The following MICU3 variants were observed in gnomAD, a reference collection of about 807,000 sequenced individuals.
MICU3 encodes mitochondrial calcium uptake 3.
A neutral mutation model predicts 66.5 loss-of-function variants in MICU3; 62 were observed. That is an observed-to-expected ratio of 0.93 (90% CI 0.76 to 1.15). The LOEUF (loss-of-function observed/expected upper bound fraction) is 1.15, where lower values mean the gene tolerates loss of function less well. Among genes scored for constraint, MICU3 ranks in the 50% most tolerant of loss-of-function variants. MICU3 has a pLI of 0.00. For synonymous variants in MICU3, 308 were observed against 240.7 expected, an observed-to-expected ratio of 1.28 and a Z score of -2.59; for missense variants, 779 against 664.4, an observed-to-expected ratio of 1.17 and a Z score of -1.90.
At chr8:17,104,352 T>C in intron 9 of MICU3, 39 bp from the exon 10 acceptor site, 1 of 1,083,858 alleles carries the variant, frequency 9.2e-7, no homozygotes, top group Non-Finnish European at 1.3e-6. Flanking sequence ...TCTGTTTCTT[T>C]TATTGAAGCT....
At position 17,087,527 on chromosome 8, in the gene MICU3, C is replaced by T. The variant is rs536315867; in HGVS notation, c.849+492C>T. ...TTTTTCTGAAGTTAGAGTTAAGCAA[C>T]ATTACCCTCCATCTTCCTAACCAGT... On this transcript the variant is annotated intron_variant, in intron 7 of 14. Transcript: ENST00000318063. Among the ~76,000 whole-genome samples the T allele has an allele frequency of 2.6e-5, 4 of 152,128 alleles. No individual in the cohort carries two copies. The South Asian group carries it at 8.3e-4, about 32-fold the overall frequency.
intron 1 of MICU3, among the ~76,000 whole-genome samples, chr8:17,042,820 A>G (rs7006644): frequency 1.4e-4 from 21 of 151,760 alleles, no homozygotes; most frequent in African/African-American, 5.1e-4. Flanking sequence ...GATAAGGATG[A>G]TATCTATCCA....
At position 17,070,157 on chromosome 8, in the gene MICU3, C is replaced by G. The variant is rs890453552; in HGVS notation, c.567+438C>G. On this transcript the variant is annotated intron_variant, in intron 3 of 14. Transcript: ENST00000318063. ...TATCTAGCATATACCAGTGTATATA[C>G]CTAGGGAAATTCTTGCTTATATGCA... 4.7e-4 allele frequency among the ~76,000 whole-genome samples: 72 copies of G among 151,940 alleles called. 1 individual carries two copies. Among genetic ancestry groups the G allele is most frequent in the African/African-American group, 1.7e-3 (72 of 41,472 alleles).
At chr8:17,127,606 C>G (rs1353198731), downstream of MICU3, among the ~76,000 whole-genome samples, 1 of 152,144 alleles carries the variant, frequency 6.6e-6, no homozygotes, top group Non-Finnish European at 1.5e-5. Flanking sequence ...AAAGGAAATA[C>G]TAAATAGATT....
intron 1 of MICU3, among the ~76,000 whole-genome samples, chr8:17,043,848 A>C (rs2150537532): frequency 6.6e-6 from 1 of 152,356 alleles, no homozygotes; most frequent in South Asian, 2.1e-4. Flanking sequence ...TTGGAGAGAA[A>C]GGTAAAATAT....
Position 17,027,414 on chromosome 8 carries a change from C to A in MICU3, c.135C>A (p.Ser45=). The A allele has an allele frequency of 7.1e-7, 1 of 1,402,998 alleles. No individual in the cohort carries two copies. 86.9% of individuals were successfully genotyped at this position (1,402,998 alleles called of 1,614,324 possible). Reference sequence around the variant, plus strand: ...GCCTTCCTGGCCGGCCCTTCTCCTCCCGAGAGGATGAGGAGAGGGCTGTGG... The same window carrying A: ...GCCTTCCTGGCCGGCCCTTCTCCTCACGAGAGGATGAGGAGAGGGCTGTGG... The part of the protein sequence containing the change: ...TLGLPGRPFS[S]REDEERAVAE... Residue 45 remains serine (S), a synonymous_variant, in exon 1 of 15, where the codon TCC becomes TCA. Coordinates refer to ENST00000318063, the MANE Select transcript of MICU3 (RefSeq NM_181723.3).
chr8:17,086,867 G>A, intron 6 of MICU3, 97 bp from the exon 7 acceptor site: 1 of 741,052 alleles, frequency 1.3e-6, no homozygotes, highest in South Asian at 1.6e-5. Context: ...GGATGAAGCT[G>A]TTTTCTTTGT....
intron 9 of MICU3, chr8:17,102,397 T>G (rs1801342594): frequency 6.6e-6 from 1 of 151,988 alleles, no homozygotes; most frequent in South Asian, 2.1e-4. Context: ...TTCCCAAAAG[T>G]TATTTGCATC....
intron 1 of MICU3, among the ~76,000 whole-genome samples, chr8:17,048,538 A>G (rs746411614): frequency 6.6e-6 from 1 of 152,172 alleles, no homozygotes; most frequent in Non-Finnish European, 1.5e-5. Flanking sequence ...GGTCCCTCTC[A>G]TGACACATGG....
rs537726691 is a variant in MICU3 at position 17,058,844 on chromosome 8, T to G, written c.382-5240T>G. On this transcript the variant is annotated intron_variant, in intron 1 of 14. Coordinates refer to ENST00000318063, the MANE Select transcript of MICU3 (RefSeq NM_181723.3). ...TTATGCCATTAGATCATTCTCTAAG[T>G]AAACTGTCTGTTGATAAACTCCAGA... Among the ~76,000 whole-genome samples the G allele has an allele frequency of 1.5e-4, 23 of 152,340 alleles. 1 individual carries two copies. Among genetic ancestry groups the G allele is most frequent in the African/African-American group, 5.5e-4 (23 of 41,580 alleles).
chr8:17,064,727 A>T (rs1425248451), intron 2 of MICU3, among the ~76,000 whole-genome samples: 5 of 152,186 alleles, frequency 3.3e-5, no homozygotes, highest in African/African-American at 4.8e-5. Context: ...ATCTAACTTA[A>T]CAGAAGACAG....
chr8:17,054,090 CA>C (rs1170409844), intron 1 of MICU3, among the ~76,000 whole-genome samples: 1 of 152,174 alleles, frequency 6.6e-6, no homozygotes, highest in Non-Finnish European at 1.5e-5. Context: ...TCCGTTTCAG[CA>C]AAATTTGCCA....
At chr8:17,070,985 A>G (rs1819502917) in intron 3 of MICU3, among the ~76,000 whole-genome samples, 1 of 152,212 alleles carries the variant, frequency 6.6e-6, no homozygotes, top group Non-Finnish European at 1.5e-5. Context: ...AGAGTTGGAC[A>G]GTGTGAGATT....
Position 17,037,057 on chromosome 8 carries a change from C to T in MICU3, c.381+9397C>T, listed in dbSNP as rs199579113. 5.7e-4 allele frequency among the ~76,000 whole-genome samples: 87 copies of T among 152,346 alleles called. 2 individuals are homozygous for T. In the East Asian group the frequency reaches 0.011, roughly 20 times the overall value. Reference sequence around the variant, plus strand: ...AGTACACCTTCCGCAGCCACTGGCCCGGGTGCTAAGTCCCTCACTGCCCGG... The same window carrying T: ...AGTACACCTTCCGCAGCCACTGGCCTGGGTGCTAAGTCCCTCACTGCCCGG... On this transcript the variant is annotated intron_variant, in intron 1 of 14. Transcript: ENST00000318063.
At chr8:17,079,162 CCAGGGGATAGAATCTATGCTGCA>C (rs1313780913) in intron 4 of MICU3, among the ~76,000 whole-genome samples, 1 of 151,938 alleles carries the variant, frequency 6.6e-6, no homozygotes, top group Non-Finnish European at 1.5e-5. Flanking sequence ...ATTTTTTTCC[CCAGGGGATAGAATCTATGCTGCA>C]CCACTATGAC....
rs1183224675 is a variant in MICU3, at chr8:17,027,457, C to A, written c.178C>A (p.Arg60=). The A allele has an allele frequency of 7.7e-7, 1 of 1,293,844 alleles. No individual in the cohort carries two copies. Among genetic ancestry groups the A allele is most frequent in the East Asian group, 3.1e-5 (1 of 32,186 alleles). 80.1% of individuals were successfully genotyped at this position (1,293,844 alleles called of 1,614,324 possible). The change falls in exon 1 of 15, where the codon CGG becomes AGG. Residue 60 remains arginine, a synonymous_variant. Transcript: ENST00000318063. The stretch of plus-strand genomic sequence containing the variant: ...GGCTGTGGCGGAGGCGGCATGGAGG[C>A]GGCGGCGGCGCTGGGGGGAGCTGAG... The part of the protein sequence containing the change: ...ERAVAEAAWR[R]RRRWGELSVA...
intron 1 of MICU3, among the ~76,000 whole-genome samples, chr8:17,057,263 C>T (rs540633400): frequency 6.6e-5 from 10 of 152,232 alleles, no homozygotes; most frequent in African/African-American, 2.2e-4. Flanking sequence ...GTCTCAGGCA[C>T]AGGTTGACAG....
intron 10 of MICU3, 33 bp downstream of exon 10, chr8:17,104,524 A>G (rs965201399): frequency 3.8e-5 from 43 of 1,144,430 alleles, no homozygotes; most frequent in Non-Finnish European, 5.0e-5. Flanking sequence ...ATTAAAAATT[A>G]TTAGCCTACT....
Position 17,119,337 on chromosome 8 carries a change from A to G in MICU3, c.*562A>G, listed in dbSNP as rs190695112. ...TATTTATAACCCAAAAAATGTGTCA[A>G]ACTTGTTTCTAATCTCCAAGCGAGG... On this transcript the variant is annotated intron_variant, in intron 14 of 14. Transcript: ENST00000318063. Among the ~76,000 whole-genome samples, 4 of 152,182 alleles carry G rather than the reference A, an allele frequency of 2.6e-5. No individual in the cohort carries two copies. The East Asian group carries it at 7.7e-4, about 29-fold the overall frequency.
Sources: gnomAD v4.1 joint callset for allele counts (sites outside exome capture counted in the v4.1 genomes callset) on GRCh38, gnomAD v4.1.1 for gene constraint, MANE v1.5 for transcripts, NCBI Gene and HGNC (gene_info 2026-07-23, HGNC 2026-07-21) for gene names.